The following SEC22C variants were observed in gnomAD, a reference collection of about 807,000 sequenced individuals.
SEC22C encodes vesicle-trafficking protein SEC22c.
SEC22C carries 29 observed loss-of-function variants against 34.7 expected under a neutral mutation model. That is an observed-to-expected ratio of 0.84 (90% CI 0.62 to 1.14). SEC22C has a LOEUF of 1.14. Among genes scored for constraint, SEC22C ranks in the 50% most tolerant of loss-of-function variants. The probability of loss-of-function intolerance (pLI) is 0.00; values close to 1 mark genes in which losing one functional copy is unlikely to be tolerated. For missense variants in SEC22C, 337 were observed against 369.0 expected (o/e 0.91, Z 0.71); for synonymous variants, 117 against 132.8 (o/e 0.88, Z 0.82).
rs777591146 is a variant in SEC22C, at chr3:42,555,959, G to A, written c.682C>T (p.Leu228Phe). 57 of 1,613,440 alleles carry A rather than the reference G, an allele frequency of 3.5e-5. No individual in the cohort carries two copies. Among genetic ancestry groups the A allele is most frequent in the Non-Finnish European group, 4.3e-5 (51 of 1,179,762 alleles). Residue 228 changes from leucine (L) to phenylalanine (F), a missense_variant, in exon 6 of 7, where the codon CTT becomes TTT. Transcript: ENST00000264454. ...HEEIGNILAF[L>F]VPFVACIFQC... ...AAAATGCAGGCTACGAAAGGAACAAGAAAAGCCAGAATGTTTCCAATTTCC... is the reference window on the plus strand; with the variant it reads ...AAAATGCAGGCTACGAAAGGAACAAAAAAAGCCAGAATGTTTCCAATTTCC...
At chr3:42,587,999 G>A (rs1447353718) in intron 1 of SEC22C, among the ~76,000 whole-genome samples, 7 of 151,824 alleles carry the variant, frequency 4.6e-5, no homozygotes, top group African/African-American at 1.2e-4. Flanking sequence ...CTGGAACCCC[G>A]GAGGTGGAGG....
chr3:42,568,754 G>A lies in SEC22C; in HGVS notation c.182+111C>T, dbSNP rs141729338. On this transcript the variant is annotated intron_variant, in intron 2 of 6. Coordinates refer to ENST00000264454, the MANE Select transcript of SEC22C (RefSeq NM_032970.4). ...ACACACATGATCTCAGACCACTGAT[G>A]CTAGATCTACTTTTAATACACAATG... 4.0e-4 allele frequency: 353 copies of A among 879,538 alleles called. 2 individuals are homozygous for A. The African/African-American group carries it at 5.2e-3, about 13-fold the overall frequency. 54.5% of individuals were successfully genotyped at this position (879,538 alleles called of 1,614,324 possible).
rs1198555054 is a variant in SEC22C, at chr3:42,574,531, A to C, written c.-27-5458T>G. On this transcript the variant is annotated intron_variant, in intron 1 of 6. Transcript: ENST00000264454. ...AACAACAGAAAGGGTAAAAACTTTT[A>C]AAAATATGACAGATTATTCTCTCAT... Among the ~76,000 whole-genome samples, 5 of 152,190 alleles carry C rather than the reference A, an allele frequency of 3.3e-5. No individual in the cohort carries two copies. The East Asian group carries it at 9.6e-4, about 29-fold the overall frequency.
intron 1 of SEC22C, among the ~76,000 whole-genome samples, chr3:42,577,426 C>T (rs576441523): frequency 6.6e-6 from 1 of 152,206 alleles, no homozygotes; most frequent in South Asian, 2.1e-4. Context: ...AGTGAAAAAA[C>T]ACAAACAATC....
At chr3:42,590,427 G>T (rs181108936) in intron 1 of SEC22C, among the ~76,000 whole-genome samples, 44 of 152,222 alleles carry the variant, frequency 2.9e-4, no homozygotes, top group African/African-American at 1.0e-3. Flanking sequence ...TCAGGAGACC[G>T]AGACCATCCT....
intron 1 of SEC22C, among the ~76,000 whole-genome samples, chr3:42,596,889 G>C (rs1436564158): frequency 6.6e-6 from 1 of 152,188 alleles, no homozygotes; most frequent in East Asian, 1.9e-4. Flanking sequence ...GTTTAAAGTT[G>C]TTTAAGTATA....
intron 1 of SEC22C, among the ~76,000 whole-genome samples, chr3:42,576,115 G>A (rs1703943776): frequency 2.0e-5 from 3 of 151,958 alleles, no homozygotes. Context: ...CAATCCGTAA[G>A]TTAAAAAGGA....
rs185773789 is a variant in SEC22C at position 42,561,668 on chromosome 3, C to T, written c.347-372G>A. ...CCTCCCAGAGTGCTGGGATAATAGG[C>T]GTGAACCATTGCACCCAGCTGAAGT... On this transcript the variant is annotated intron_variant, in intron 3 of 6. Transcript: ENST00000264454. 2.6e-5 allele frequency among the ~76,000 whole-genome samples: 4 copies of T among 152,308 alleles called. No homozygotes were observed. The East Asian group carries it at 5.8e-4, about 22-fold the overall frequency.
Position 42,550,579 on chromosome 3 carries a change from T to A in SEC22C, c.*2669A>T. 1.0e-6 allele frequency: 1 copy of A among 985,472 alleles called. No homozygotes were observed. The highest frequency in any genetic ancestry group is 1.7e-5 in the African/African-American group (1 of 57,374). 61.0% of individuals were successfully genotyped at this position (985,472 alleles called of 1,614,324 possible). ...ATGTTTTTGTGGTCATTACTTGTAC[T>A]GTTTTTCTAGTGCATCTTTTCCCTT... On this transcript the variant is annotated 3_prime_UTR_variant, in exon 7 of 7. Coordinates refer to ENST00000264454, the MANE Select transcript of SEC22C (RefSeq NM_032970.4).
intron 1 of SEC22C, among the ~76,000 whole-genome samples, chr3:42,578,824 T>G (rs1211678208): frequency 1.3e-5 from 2 of 152,254 alleles, no homozygotes; most frequent in African/African-American, 4.8e-5. Context: ...ATATCTTATC[T>G]GCTAATTAAC....
chr3:42,562,696 G>A (rs926662556), intron 3 of SEC22C, among the ~76,000 whole-genome samples: 7 of 152,152 alleles, frequency 4.6e-5, no homozygotes, highest in Non-Finnish European at 1.0e-4. Context: ...AGCACAGACT[G>A]TCCCCCAACT....
intron 1 of SEC22C, among the ~76,000 whole-genome samples, chr3:42,590,645 A>G (rs1704788086): frequency 6.6e-6 from 1 of 151,834 alleles, no homozygotes; most frequent in Non-Finnish European, 1.5e-5. Context: ...GTAGGTCAGC[A>G]GTAGACCCAG....
chr3:42,563,598 A>C lies in SEC22C; in HGVS notation c.271T>G (p.Trp91Gly), dbSNP rs1703054025. Residue 91 changes from tryptophan (W) to glycine (G), a missense_variant, in exon 3 of 7, where the codon TGG becomes GGG. Trp to Gly is a radical substitution (Grantham distance 184). Transcript: ENST00000264454. ...TCATAGGAAGCTGTGAATTCCCACCACAGGGTCTCCAGGAAGCAGAAGGCC... is the reference window on the plus strand; with the variant it reads ...TCATAGGAAGCTGTGAATTCCCACCCCAGGGTCTCCAGGAAGCAGAAGGCC... ...AMAFCFLETL[W>G]WEFTASYDTT... is the part of the protein sequence containing the mutation. The C allele has an allele frequency of 6.2e-7, 1 of 1,614,042 alleles. No individual in the cohort carries two copies. Among genetic ancestry groups the C allele is most frequent in the Non-Finnish European group, 8.5e-7 (1 of 1,179,998 alleles).
intron 1 of SEC22C, among the ~76,000 whole-genome samples, chr3:42,577,916 G>A (rs912635163): frequency 1.4e-4 from 22 of 151,918 alleles, no homozygotes; most frequent in East Asian, 5.8e-4. Flanking sequence ...GTTGCAGTGC[G>A]CCAAGACTGC....
chr3:42,581,388 A>G (rs1704334598), intron 1 of SEC22C: 1 of 152,266 alleles, frequency 6.6e-6, no homozygotes, highest in South Asian at 2.1e-4. Flanking sequence ...CAAAACCTGT[A>G]ATGGAACGTC....
intron 3 of SEC22C, among the ~76,000 whole-genome samples, chr3:42,563,263 G>A (rs1703032863): frequency 1.3e-5 from 2 of 152,240 alleles, no homozygotes; most frequent in African/African-American, 4.8e-5. Context: ...TCAGAGAGCT[G>A]TGGGTTATAA....
In SEC22C at chr3:42,550,289, C is replaced by T. The variant is rs1702184806; in HGVS notation, c.*2959G>A. The T allele has an allele frequency of 7.1e-6, 7 of 985,310 alleles. No individual in the cohort carries two copies. Among genetic ancestry groups the T allele is most frequent in the Non-Finnish European group, 8.4e-6 (7 of 829,940 alleles). The allele number at this position is 985,310 out of a possible 1,614,324, so 61.0% of individuals were successfully genotyped here. On this transcript the variant is annotated 3_prime_UTR_variant, in exon 7 of 7. Coordinates refer to ENST00000264454, the MANE Select transcript of SEC22C (RefSeq NM_032970.4). Reference sequence around the variant, plus strand: ...AGATCTAGTCCAGTGATGTCAGCTGCACAGGTAGCATTTAACTACTGGGAA... The same window carrying T: ...AGATCTAGTCCAGTGATGTCAGCTGTACAGGTAGCATTTAACTACTGGGAA...
At chr3:42,582,135 G>C (rs556098711), upstream of SEC22C, 1 of 152,352 alleles carries the variant, frequency 6.6e-6, no homozygotes, top group African/African-American at 2.4e-5. Context: ...CCCAAACGGA[G>C]AGGGAGTGTG....
Position 42,551,666 on chromosome 3 carries a change from A to G in SEC22C, c.*1582T>C. On this transcript the variant is annotated 3_prime_UTR_variant, in exon 7 of 7. Transcript: ENST00000264454. ...ATCCAAATATTTTATGTTTGGTCAA[A>G]AATAGAAAATTCTATTATAAAAAAT... 1 of 961,596 alleles carries G rather than the reference A, an allele frequency of 1.0e-6. No individual in the cohort carries two copies. Among genetic ancestry groups the G allele is most frequent in the Non-Finnish European group, 1.2e-6 (1 of 808,162 alleles). 59.6% of individuals were successfully genotyped at this position (961,596 alleles called of 1,614,324 possible). A position where few individuals can be genotyped will look rare whatever the true frequency, so the allele number is the denominator to read the frequency against.
Sources: allele counts gnomAD v4.1 joint callset (sites outside exome capture counted in the v4.1 genomes callset), GRCh38; gene constraint gnomAD v4.1.1; transcripts MANE v1.5; gene names NCBI Gene and HGNC (gene_info 2026-07-23, HGNC 2026-07-21).